MED27: variants seen among roughly 807,000 people sequenced by gnomAD.
MED27 encodes the protein mediator complex subunit 27, also known as mediator of RNA polymerase II transcription subunit 27.
MED27 carries 30 observed loss-of-function variants against 38.2 expected under a neutral mutation model. That is an observed-to-expected ratio of 0.79 (90% confidence interval 0.59 to 1.07). The LOEUF (loss-of-function observed/expected upper bound fraction) is 1.07, where lower values mean the gene tolerates loss of function less well. Ranked by LOEUF, MED27 falls within the 50% of genes least tolerant of loss-of-function variation. The pLI is 0.00. For synonymous variants in MED27, 122 were observed against 153.5 expected (o/e 0.79, Z 1.52); for missense variants, 289 against 397.5 (o/e 0.73, Z 2.32).
intron 4 of MED27, among the ~76,000 whole-genome samples, chr9:131,924,095 T>C (rs1830442061): frequency 6.6e-6 from 1 of 152,258 alleles, no homozygotes; most frequent in Admixed American, 6.5e-5. Flanking sequence ...TAGTGGTATA[T>C]ATGTATTTTC....
chr9:132,055,707 T>C (rs1390696582), intron 2 of MED27, among the ~76,000 whole-genome samples: 1 of 152,168 alleles, frequency 6.6e-6, no homozygotes, highest in Non-Finnish European at 1.5e-5. Flanking sequence ...GACTCCCCAT[T>C]ATCCATCCGT....
chr9:132,017,382 C>T (rs1247624200), intron 2 of MED27, among the ~76,000 whole-genome samples: 1 of 152,164 alleles, frequency 6.6e-6, no homozygotes, highest in Non-Finnish European at 1.5e-5. Flanking sequence ...TTCTCAATTA[C>T]AGGTTCTGTA....
At chr9:132,065,619 G>A (rs1426035300) in intron 2 of MED27, among the ~76,000 whole-genome samples, 2 of 152,210 alleles carry the variant, frequency 1.3e-5, no homozygotes, top group Admixed American at 6.5e-5. Flanking sequence ...ACACAAGGGT[G>A]CCTGCCACTC....
chr9:131,958,248 G>GTT (rs945537637), intron 3 of MED27, among the ~76,000 whole-genome samples: 14 of 141,744 alleles, frequency 9.9e-5, no homozygotes, highest in Admixed American at 2.1e-4. Context: ...ATTCAGTGGG[G>GTT]TTTTTTTTTT....
intron 3 of MED27, among the ~76,000 whole-genome samples, chr9:131,944,630 CA>C (rs1589226081): frequency 6.6e-6 from 1 of 151,592 alleles, no homozygotes; most frequent in Admixed American, 6.6e-5. Flanking sequence ...TGGATTCAAG[CA>C]ATTCTCCCTG....
intron 6 of MED27, among the ~76,000 whole-genome samples, chr9:131,877,164 G>C (rs1258232052): frequency 6.6e-6 from 1 of 152,222 alleles, no homozygotes; most frequent in East Asian, 1.9e-4. Flanking sequence ...TGAGGTCTTA[G>C]AACTTTTGTC....
intron 3 of MED27, among the ~76,000 whole-genome samples, chr9:131,978,785 A>T (rs1333935983): frequency 6.6e-6 from 1 of 152,252 alleles, no homozygotes; most frequent in Non-Finnish European, 1.5e-5. Flanking sequence ...ATGGGCTGAA[A>T]CACACTACTC....
chr9:131,960,444 T>C (rs547033645), intron 3 of MED27, among the ~76,000 whole-genome samples: 18 of 152,112 alleles, frequency 1.2e-4, no homozygotes, highest in Non-Finnish European at 2.6e-4. Context: ...TTTGAGTGGG[T>C]ACAGTTCAAG....
In MED27 at chr9:131,889,982, C is replaced by T. The variant is rs998427600; in HGVS notation, c.681+3903G>A. 1.3e-5 allele frequency among the ~76,000 whole-genome samples: 2 copies of T among 152,214 alleles called. No individual in the cohort carries two copies. The highest frequency in any genetic ancestry group is 2.9e-5 in the Non-Finnish European group (2 of 68,030). On this transcript the variant is annotated intron_variant, in intron 5 of 7. Transcript: ENST00000292035. This position sits in a 1 kb window ranked among gnomAD's most constrained non-coding sequence, Gnocchi z 4.2. ...CCAGCAACAACGTGCTCTTGTAGAA[C>T]ACATGTCAGGCCCCAAGGGCTCCTT...
intron 3 of MED27, among the ~76,000 whole-genome samples, chr9:131,960,714 T>C (rs1385422889): frequency 6.6e-6 from 1 of 152,176 alleles, no homozygotes; most frequent in East Asian, 1.9e-4. Flanking sequence ...GTACAGAAGA[T>C]GAATACAGCC....
chr9:131,868,318 G>A (rs964471516), intron 6 of MED27, among the ~76,000 whole-genome samples: 1 of 152,058 alleles, frequency 6.6e-6, no homozygotes, highest in East Asian at 1.9e-4. Flanking sequence ...TTGCTCTGTC[G>A]CCTAGGCTGG....
intron 2 of MED27, among the ~76,000 whole-genome samples, chr9:132,019,619 C>G (rs1452155871): frequency 6.6e-6 from 1 of 152,184 alleles, no homozygotes; most frequent in African/African-American, 2.4e-5. Flanking sequence ...CCCCCCTACC[C>G]ACAACCCCAT....
At chr9:131,868,935 G>A (rs969653788) in intron 6 of MED27, 2 of 985,504 alleles carry the variant, frequency 2.0e-6, no homozygotes, top group African/African-American at 3.5e-5. Context: ...GGCGGCGGGA[G>A]CCATGCGCCA....
At chr9:132,021,804 T>C (rs1381454685) in intron 2 of MED27, among the ~76,000 whole-genome samples, 2 of 151,524 alleles carry the variant, frequency 1.3e-5, no homozygotes, top group African/African-American at 4.9e-5. Flanking sequence ...TTAATGCCCT[T>C]ATAGGAAGAG....
At chr9:132,054,625 G>T (rs1011403923) in intron 2 of MED27, among the ~76,000 whole-genome samples, 2 of 151,938 alleles carry the variant, frequency 1.3e-5, no homozygotes, top group African/African-American at 2.4e-5. Flanking sequence ...ATGTTGCCAG[G>T]TCTCAAACTC....
intron 4 of MED27, among the ~76,000 whole-genome samples, chr9:131,901,132 G>A (rs764318786): frequency 2.8e-4 from 43 of 151,438 alleles, no homozygotes; most frequent in South Asian, 8.4e-4. Context: ...AAGAAGGAAG[G>A]GTGGAAAGGA....
intron 4 of MED27, among the ~76,000 whole-genome samples, chr9:131,912,535 C>T (rs1156872724): frequency 6.6e-6 from 1 of 152,194 alleles, no homozygotes; most frequent in Non-Finnish European, 1.5e-5. Flanking sequence ...TGCTGCTCCC[C>T]ACTCCCTCAC....
At chr9:132,018,547 G>C (rs941144914) in intron 2 of MED27, among the ~76,000 whole-genome samples, 1 of 152,102 alleles carries the variant, frequency 6.6e-6, no homozygotes, top group Non-Finnish European at 1.5e-5. Flanking sequence ...TTTTGCACTG[G>C]ACCAAAGTTT....
rs796844443 is a variant in MED27, at chr9:132,060,949, A to AAAC, written c.348+16490_348+16492dup. Among the ~76,000 whole-genome samples, 173 of 152,212 alleles carry AAAC rather than the reference A, an allele frequency of 1.1e-3. 1 individual carries two copies. The highest frequency in any genetic ancestry group is 3.3e-3 in the African/African-American group (137 of 41,516). On this transcript the variant is annotated intron_variant, in intron 2 of 7. Transcript: ENST00000292035. ...GGGTGACAGAGCAAGACTCCATCTC[A>AAAC]AACAACAACAACAACAACAAATCCC...
Sources: allele counts gnomAD v4.1 joint callset (sites outside exome capture counted in the v4.1 genomes callset), GRCh38; gene constraint gnomAD v4.1.1; non-coding constraint Gnocchi (gnomAD v3.1); transcripts MANE v1.5; gene names NCBI Gene and HGNC (gene_info 2026-07-23, HGNC 2026-07-21).